The following CNTN5 variants were observed in gnomAD, a reference collection of about 807,000 sequenced individuals.
CNTN5 encodes the protein contactin 5, also known as contactin-5.
CNTN5 carries 77 observed loss-of-function variants against 129.1 expected under a neutral mutation model. That is an observed-to-expected ratio of 0.60 (90% CI 0.50 to 0.72). The LOEUF (loss-of-function observed/expected upper bound fraction) is 0.72, where lower values mean the gene tolerates loss of function less well. Ranked by LOEUF, CNTN5 falls within the 30% of genes least tolerant of loss-of-function variation. CNTN5 has a pLI of 0.00. For synonymous variants in CNTN5, 509 were observed against 465.6 expected, an observed-to-expected ratio of 1.09 and a Z score of -1.20; for missense variants, 1,478 against 1,328.8, an observed-to-expected ratio of 1.11 and a Z score of -1.75.
chr11:100,180,870 A>AC (rs1948118062), intron 13 of CNTN5, among the ~76,000 whole-genome samples: 1 of 151,996 alleles, frequency 6.6e-6, no homozygotes, highest in African/African-American at 2.4e-5. Context: ...TTACAATCAG[A>AC]AAACAAAACA....
chr11:99,971,809 A>C (rs994550375), intron 8 of CNTN5, among the ~76,000 whole-genome samples: 2 of 151,742 alleles, frequency 1.3e-5, no homozygotes, highest in Non-Finnish European at 2.9e-5. Context: ...TTTAGCAATA[A>C]ACATTTTTAA....
rs750790453 is a variant in CNTN5, at chr11:99,576,448, C to A, written c.55+20179C>A. Among the ~76,000 whole-genome samples the A allele has an allele frequency of 6.6e-5, 10 of 152,254 alleles. No individual in the cohort carries two copies. In the East Asian group the frequency reaches 1.7e-3, roughly 27 times the overall value. On this transcript the variant is annotated intron_variant, in intron 3 of 24. Coordinates refer to ENST00000524871, the MANE Select transcript of CNTN5 (RefSeq NM_014361.4). Reference sequence around the variant, plus strand: ...ATATTTTCTCCTTATTGACATATAACCCTTTTGGTAGCCTTTCATTGATGT... The same window carrying A: ...ATATTTTCTCCTTATTGACATATAAACCTTTTGGTAGCCTTTCATTGATGT...
chr11:99,897,002 G>C (rs115173874), intron 6 of CNTN5, among the ~76,000 whole-genome samples: 1 of 152,030 alleles, frequency 6.6e-6, no homozygotes, highest in African/African-American at 2.4e-5. Flanking sequence ...CCGGGTACCA[G>C]CCCATCCCTC....
intron 3 of CNTN5, among the ~76,000 whole-genome samples, chr11:99,775,635 A>G (rs1258489390): frequency 1.3e-5 from 2 of 152,010 alleles, no homozygotes; most frequent in Non-Finnish European, 2.9e-5. Context: ...TTCTTCGGGC[A>G]TATGCAAAAC....
At chr11:99,367,261 T>A (rs768745999) in intron 2 of CNTN5, among the ~76,000 whole-genome samples, 1 of 152,158 alleles carries the variant, frequency 6.6e-6, no homozygotes, top group Non-Finnish European at 1.5e-5. Context: ...TTCATAATTA[T>A]GCTGGAAAGT....
intron 1 of CNTN5, among the ~76,000 whole-genome samples, chr11:99,224,013 A>G (rs55929959): frequency 0.017 from 2,608 of 152,282 alleles, 42 homozygotes; most frequent in African/African-American, 0.037. Flanking sequence ...AATAGAGAAA[A>G]AGAAGGAAAC....
intron 2 of CNTN5, among the ~76,000 whole-genome samples, 178 bp from the exon 3 acceptor site, chr11:99,555,967 T>G (rs1813094205): frequency 6.6e-6 from 1 of 151,900 alleles, no homozygotes; most frequent in South Asian, 2.1e-4. Flanking sequence ...ACTTGTATTG[T>G]GTATTACATG....
rs200635742 is a variant in CNTN5, at chr11:99,934,898, GTATATATATA to G, written c.673+18790_673+18799del. Among the ~76,000 whole-genome samples, 599 of 67,794 alleles carry G rather than the reference GTATATATATA, an allele frequency of 8.8e-3. 2 individuals carry two copies. Among genetic ancestry groups the G allele is most frequent in the African/African-American group, 0.055 (536 of 9,828 alleles). The allele number at this position is 67,794 out of a possible 152,430, so 44.5% of individuals were successfully genotyped here. On this transcript the variant is annotated intron_variant, in intron 7 of 24. Transcript: ENST00000524871. ...TGTGTGTGTGTGTGTGTGTGTGTGT[GTATATATATA>G]TATATATATATATATATATATATAT...
intron 3 of CNTN5, among the ~76,000 whole-genome samples, chr11:99,598,329 CCTCTCTCTCTCTCTCT>C (rs1163753320): frequency 6.3e-4 from 8 of 12,638 alleles, no homozygotes; most frequent in African/African-American, 2.5e-3. Flanking sequence ...CTTTTCTGTC[CCTCTCTCTCTCTCTCT>C]CTCTCTCTCT....
At chr11:99,591,442 A>G (rs1197777071) in intron 3 of CNTN5, among the ~76,000 whole-genome samples, 1 of 149,268 alleles carries the variant, frequency 6.7e-6, no homozygotes, top group African/African-American at 2.5e-5. Flanking sequence ...GGTTCGAGCA[A>G]TTCTCCTGCC....
At chr11:99,433,130 C>T (rs889523885) in intron 2 of CNTN5, among the ~76,000 whole-genome samples, 7 of 151,782 alleles carry the variant, frequency 4.6e-5, no homozygotes, top group Non-Finnish European at 7.4e-5. Context: ...ACAAAGAGGA[C>T]ATTTACCTCA....
At chr11:99,486,774 G>T (rs57547746) in intron 2 of CNTN5, among the ~76,000 whole-genome samples, 44,229 of 151,886 alleles carry the variant, frequency 0.29, 6,643 homozygotes, top group Non-Finnish European at 0.33. Flanking sequence ...ATCAATATTG[G>T]CTTTTGAAAC....
intron 6 of CNTN5, among the ~76,000 whole-genome samples, chr11:99,906,742 T>C (rs772560007): frequency 6.6e-6 from 1 of 152,176 alleles, no homozygotes; most frequent in Non-Finnish European, 1.5e-5. Context: ...TTTGTACCAC[T>C]GGTAGAATTC....
rs1051235238 is a variant in CNTN5, at chr11:100,297,499, A to G, written c.2315-126A>G. ...TGAAAGCAGGGTGTTTCTGTCACCA[A>G]TATTTTGTTTTAATCTTTAATATGA... On this transcript the variant is annotated intron_variant, in intron 18 of 24. Transcript: ENST00000524871. The G allele has an allele frequency of 5.1e-5, 37 of 718,938 alleles. 1 individual carries two copies. Among genetic ancestry groups the G allele is most frequent in the African/African-American group, 1.8e-5 (1 of 56,214 alleles). The allele number at this position is 718,938 out of a possible 1,614,324, so 44.5% of individuals were successfully genotyped here.
At chr11:100,329,130 G>A (rs768753282) in intron 21 of CNTN5, among the ~76,000 whole-genome samples, 2 of 152,152 alleles carry the variant, frequency 1.3e-5, no homozygotes, top group Non-Finnish European at 2.9e-5. Context: ...GGCTGTGTAA[G>A]AGCAGGTTGA....
chr11:99,478,257 G>A (rs1945458586), intron 2 of CNTN5, among the ~76,000 whole-genome samples: 1 of 152,048 alleles, frequency 6.6e-6, no homozygotes, highest in Admixed American at 6.5e-5. Flanking sequence ...AGTTGGAAAG[G>A]GCTCACTTTC....
chr11:100,352,172 C>T (rs1013350098), intron 24 of CNTN5, among the ~76,000 whole-genome samples: 2 of 151,640 alleles, frequency 1.3e-5, no homozygotes, highest in Non-Finnish European at 3.0e-5. Context: ...CTCCTCCCAA[C>T]CTCCACCCTC....
intron 1 of CNTN5, among the ~76,000 whole-genome samples, chr11:99,127,268 T>G (rs1858685305): frequency 6.6e-6 from 1 of 152,200 alleles, no homozygotes; most frequent in South Asian, 2.1e-4. Flanking sequence ...CATGATTTTC[T>G]TCTTTTTTCT....
chr11:100,066,830 T>C (rs1166410127), intron 10 of CNTN5, among the ~76,000 whole-genome samples: 3 of 80,390 alleles, frequency 3.7e-5, no homozygotes, highest in South Asian at 9.9e-4. Context: ...TGCAGTCCTC[T>C]GCCAAAAAAA....
Sources: allele counts gnomAD v4.1 joint callset (sites outside exome capture counted in the v4.1 genomes callset), GRCh38; gene constraint gnomAD v4.1.1; transcripts MANE v1.5; gene names NCBI Gene and HGNC (gene_info 2026-07-23, HGNC 2026-07-21).